LPO: variants seen among roughly 807,000 people sequenced by gnomAD.
LPO encodes salivary peroxidase.
In LPO, 70 loss-of-function variants were observed where a neutral mutation model predicts 68.4. The ratio of observed to expected loss-of-function variants is 1.02; its 90% CI spans 0.84 to 1.25. The LOEUF (loss-of-function observed/expected upper bound fraction) is 1.25, where lower values mean the gene tolerates loss of function less well. Ranked by LOEUF, LPO falls within the 50% of genes most tolerant of loss-of-function variation. The pLI is 0.00. For missense variants in LPO, 873 were observed against 908.4 expected (o/e 0.96, Z 0.50); for synonymous variants, 360 against 357.6 (o/e 1.01, Z -0.08).
chr17:58,256,048 A>G (rs978088225), intron 9 of LPO, among the ~76,000 whole-genome samples: 3 of 152,168 alleles, frequency 2.0e-5, no homozygotes, highest in Non-Finnish European at 2.9e-5. Flanking sequence ...AGCCCTGATC[A>G]GTTCTCCATC....
intron 9 of LPO, among the ~76,000 whole-genome samples, chr17:58,256,989 T>TC (rs1970085470): frequency 7.8e-6 from 1 of 127,606 alleles, no homozygotes; most frequent in African/African-American, 3.4e-5. Context: ...TAGGTCTTAC[T>TC]CTTTTTTTTT....
intron 3 of LPO, among the ~76,000 whole-genome samples, chr17:58,247,122 G>C (rs1969864406): frequency 6.6e-6 from 1 of 152,126 alleles, no homozygotes; most frequent in African/African-American, 2.4e-5. Flanking sequence ...GTGGAACCCA[G>C]ATCCACCCCT....
chr17:58,260,725 A>T (rs1970160159), intron 9 of LPO, among the ~76,000 whole-genome samples: 1 of 152,162 alleles, frequency 6.6e-6, no homozygotes, highest in African/African-American at 2.4e-5. Flanking sequence ...TGAAGTAGAA[A>T]CTTAGATGAC....
chr17:58,254,689 G>A lies in LPO; in HGVS notation c.1106-122G>A, dbSNP rs1213571052. On this transcript the variant is annotated intron_variant, in intron 8 of 12. Coordinates refer to ENST00000262290, the MANE Select transcript of LPO (RefSeq NM_006151.3). ...CCCTATTCACCTGACGGGAAGTAGG[G>A]CTTGTTGACGGGGCGGGGGGGGCGG... The A allele has an allele frequency of 6.8e-6, 6 of 884,188 alleles. No individual in the cohort carries two copies. The East Asian group carries it at 1.6e-4, about 24-fold the overall frequency. 54.8% of individuals were successfully genotyped at this position (884,188 alleles called of 1,614,324 possible).
At position 58,268,092 on chromosome 17, in the gene LPO, C is replaced by A; in HGVS notation, c.*98C>A. The A allele has an allele frequency of 7.8e-7, 1 of 1,279,632 alleles. No individual in the cohort carries two copies. Among genetic ancestry groups the A allele is most frequent in the African/African-American group, 1.5e-5 (1 of 67,670 alleles). The allele number at this position is 1,279,632 out of a possible 1,614,324, so 79.3% of individuals were successfully genotyped here. Reference sequence around the variant, plus strand: ...TTAGAGCTCCATATCCCAGTCCCAGCCCTTCTTTGCAGCTGGGCCTCTCTA... The same window carrying A: ...TTAGAGCTCCATATCCCAGTCCCAGACCTTCTTTGCAGCTGGGCCTCTCTA... On this transcript the variant is annotated 3_prime_UTR_variant, in exon 13 of 13. Coordinates refer to ENST00000262290, the MANE Select transcript of LPO (RefSeq NM_006151.3).
Position 58,249,519 on chromosome 17 carries a change from C to T in LPO, c.444-47C>T, listed in dbSNP as rs781211981. ...CCCATGGGGTCCTGGGCTTTGGAGC[C>T]CCGGAGCCGGCCTGCCGAAGCTCAG... On this transcript the variant is annotated intron_variant, in intron 5 of 12. Transcript: ENST00000262290. 5 of 1,586,820 alleles carry T rather than the reference C, an allele frequency of 3.2e-6. No homozygotes were observed. The African/African-American group carries it at 5.4e-5, about 17-fold the overall frequency.
At chr17:58,254,120 T>TAGAA (rs1000358578) in intron 8 of LPO, among the ~76,000 whole-genome samples, 4 of 145,942 alleles carry the variant, frequency 2.7e-5, no homozygotes, top group African/African-American at 1.0e-4. Context: ...GATAGATAGA[T>TAGAA]AGATGATGAT....
At chr17:58,243,294 A>G (rs1969792248) in intron 2 of LPO, 2 of 495,306 alleles carry the variant, frequency 4.0e-6, no homozygotes, top group South Asian at 4.7e-5. Flanking sequence ...CAACACTCCA[A>G]TCTCTGCCTC....
intron 9 of LPO, among the ~76,000 whole-genome samples, chr17:58,260,356 T>G (rs539298313): frequency 6.6e-6 from 1 of 152,304 alleles, no homozygotes; most frequent in African/African-American, 2.4e-5. Flanking sequence ...TCCATATGAT[T>G]TTTCTTTCTT....
At position 58,257,297 on chromosome 17, in the gene LPO, C is replaced by A. The variant is rs1266641074; in HGVS notation, c.1266+2326C>A. 5.3e-5 allele frequency among the ~76,000 whole-genome samples: 8 copies of A among 152,200 alleles called. No homozygotes were observed. In the East Asian group the frequency reaches 1.2e-3, roughly 22 times the overall value. On this transcript the variant is annotated intron_variant, in intron 9 of 12. Transcript: ENST00000262290. ...TCCGCCCCCCACAGCCCCTCATTACCCTTCCAGGGATCTGGTAACCATCTT... is the reference window on the plus strand; with the variant it reads ...TCCGCCCCCCACAGCCCCTCATTACACTTCCAGGGATCTGGTAACCATCTT...
chr17:58,259,766 A>G (rs1970141609), intron 9 of LPO, among the ~76,000 whole-genome samples: 1 of 152,212 alleles, frequency 6.6e-6, no homozygotes, highest in African/African-American at 2.4e-5. Flanking sequence ...TTGTAGTTTT[A>G]TCACACAGAT....
intron 5 of LPO, 101 bp from the exon 6 acceptor site, chr17:58,249,464 TC>T: frequency 6.1e-6 from 9 of 1,477,190 alleles, no homozygotes; most frequent in Non-Finnish European, 8.1e-6. Context: ...CTTCTCTGCG[TC>T]CCCTCCGCCT....
chr17:58,264,763 C>T lies in LPO; in HGVS notation c.1308C>T (p.Asp436=). The change falls in exon 10 of 13, where the codon GAC becomes GAT. Residue 436 remains aspartate, a synonymous_variant. Transcript: ENST00000262290. ...FRDYLPILLG[D]HMQKWIPPYQ... Reference sequence around the variant, plus strand: ...ACTACCTACCCATTTTGCTAGGTGACCACATGCAGAAGTGGATACCCCCAT... The same window carrying T: ...ACTACCTACCCATTTTGCTAGGTGATCACATGCAGAAGTGGATACCCCCAT... 1 of 1,614,168 alleles carries T rather than the reference C, an allele frequency of 6.2e-7. No individual in the cohort carries two copies. The highest frequency in any genetic ancestry group is 8.5e-7 in the Non-Finnish European group (1 of 1,180,014).
chr17:58,246,979 G>A (rs1043337143), intron 3 of LPO, among the ~76,000 whole-genome samples: 1 of 152,238 alleles, frequency 6.6e-6, no homozygotes, highest in Non-Finnish European at 1.5e-5. Flanking sequence ...CAACTAGAAA[G>A]TGGCAGTCAG....
rs533766816 is a variant in LPO at position 58,245,608 on chromosome 17, C to T, written c.164+1527C>T. On this transcript the variant is annotated intron_variant, in intron 3 of 12. Coordinates refer to ENST00000262290, the MANE Select transcript of LPO (RefSeq NM_006151.3). ...GCGGTGCAGATTCCAGATTCCGCCC[C>T]TCTCTCCGTGCTCTCAGGACACTGC... Among the ~76,000 whole-genome samples, 6 of 152,262 alleles carry T rather than the reference C, an allele frequency of 3.9e-5. No homozygotes were observed. The East Asian group carries it at 1.2e-3, about 29-fold the overall frequency.
At chr17:58,243,941 G>A (rs189672202) in intron 2 of LPO, 53 bp from the exon 3 acceptor site, 63 of 1,181,796 alleles carry the variant, frequency 5.3e-5, no homozygotes, top group Admixed American at 4.2e-4. Context: ...AGAAGACATC[G>A]CAAAGGAGTG....
intron 8 of LPO, among the ~76,000 whole-genome samples, chr17:58,254,364 A>G (rs560456036): frequency 1.7e-4 from 26 of 152,098 alleles, no homozygotes; most frequent in African/African-American, 6.3e-4. Context: ...GCCTTACCCA[A>G]GCTCCTCACC....
rs1970233674 is a variant in LPO at position 58,264,911 on chromosome 17, G to A, written c.1456G>A (p.Gly486Arg). 1 of 1,614,186 alleles carries A rather than the reference G, an allele frequency of 6.2e-7. No individual in the cohort carries two copies. The highest frequency in any genetic ancestry group is 2.2e-5 in the East Asian group (1 of 44,882). ...CCTGGATGAGAATTATCAGCCATGGGGGCCAGAACCAGAACTCCCCCTCCA... is the reference window on the plus strand; with the variant it reads ...CCTGGATGAGAATTATCAGCCATGGAGGCCAGAACCAGAACTCCCCCTCCA... ...FRLDENYQPW[G>R]PEPELPLHTL... The change falls in exon 10 of 13, where the codon GGG (glycine) becomes AGG (arginine). Residue 486 changes from glycine (G) to arginine (R), a missense_variant. Coordinates refer to ENST00000262290, the MANE Select transcript of LPO (RefSeq NM_006151.3).
At chr17:58,238,887 T>G (rs1267175421) in intron 1 of LPO, 148 bp downstream of exon 1, 1 of 152,154 alleles carries the variant, frequency 6.6e-6, no homozygotes, top group African/African-American at 2.4e-5. Context: ...CATGGCACAC[T>G]CCTCTTGTTT....
Sources: allele counts gnomAD v4.1 joint callset (sites outside exome capture counted in the v4.1 genomes callset), GRCh38; gene constraint gnomAD v4.1.1; transcripts MANE v1.5; gene names NCBI Gene and HGNC (gene_info 2026-07-23, HGNC 2026-07-21).